SLMAP: variants seen among roughly 807,000 people sequenced by gnomAD.
The protein encoded by SLMAP is sarcolemma associated protein, also known as sarcolemmal membrane-associated protein.
In SLMAP, 44 loss-of-function variants were observed where a neutral mutation model predicts 128.8. The ratio of observed to expected loss-of-function variants is 0.34; its 90% confidence interval spans 0.27 to 0.44. The LOEUF (loss-of-function observed/expected upper bound fraction) is 0.44. SLMAP is among the 20% of genes least tolerant of loss of function. The pLI is 1.00. For synonymous variants in SLMAP, 327 were observed against 348.8 expected, an observed-to-expected ratio of 0.94 and a Z score of 0.70; for missense variants, 787 against 985.3, an observed-to-expected ratio of 0.80 and a Z score of 2.69.
intron 18 of SLMAP, 128 bp downstream of exon 18, chr3:57,908,134 A>G (rs1559521660): frequency 1.2e-6 from 1 of 834,740 alleles, no homozygotes; most frequent in Non-Finnish European, 1.8e-6. Flanking sequence ...TGATCTTGGT[A>G]TATTTACTTG....
intron 15 of SLMAP, among the ~76,000 whole-genome samples, chr3:57,895,613 C>T (rs559014459): frequency 1.6e-4 from 24 of 151,866 alleles, no homozygotes; most frequent in Non-Finnish European, 2.9e-4. Context: ...GGATTACAGG[C>T]GTGAGCCACT....
intron 19 of SLMAP, among the ~76,000 whole-genome samples, chr3:57,910,499 T>G (rs2096667791): frequency 6.6e-6 from 1 of 152,166 alleles, no homozygotes; most frequent in Admixed American, 6.5e-5. Flanking sequence ...AAATTATATA[T>G]CACGTGGAAT....
intron 14 of SLMAP, among the ~76,000 whole-genome samples, chr3:57,872,416 T>C (rs949242049): frequency 6.6e-6 from 1 of 152,128 alleles, no homozygotes; most frequent in African/African-American, 2.4e-5. Flanking sequence ...GTCAGGAGTT[T>C]GAGACCAGCC....
chr3:57,776,812 A>T (rs2082050370), intron 2 of SLMAP, among the ~76,000 whole-genome samples: 1 of 152,080 alleles, frequency 6.6e-6, no homozygotes, highest in Non-Finnish European at 1.5e-5. Flanking sequence ...GGTGTGAGCC[A>T]CTGTGCCTGG....
intron 3 of SLMAP, among the ~76,000 whole-genome samples, chr3:57,840,325 A>G (rs894130331): frequency 3.3e-5 from 5 of 152,244 alleles, no homozygotes; most frequent in African/African-American, 1.2e-4. Context: ...TTACATGTAC[A>G]ATTCAGTGAG....
intron 2 of SLMAP, among the ~76,000 whole-genome samples, chr3:57,807,966 C>G (rs1178615755): frequency 6.6e-6 from 1 of 152,066 alleles, no homozygotes; most frequent in African/African-American, 2.4e-5. Flanking sequence ...TTGGTCTATT[C>G]AGGGATTCAG....
chr3:57,924,626 C>G (rs749537648), intron 23 of SLMAP, among the ~76,000 whole-genome samples: 5 of 152,058 alleles, frequency 3.3e-5, no homozygotes, highest in Non-Finnish European at 7.4e-5. Flanking sequence ...CTTGGCCTCC[C>G]AAAGTGCTGG....
chr3:57,912,723 A>G (rs2096726140), intron 20 of SLMAP, 22 bp downstream of exon 20: 5 of 1,563,708 alleles, frequency 3.2e-6, no homozygotes, highest in African/African-American at 1.4e-5. Flanking sequence ...TATTTTACAT[A>G]AAGCTGTTAA....
In SLMAP at chr3:57,856,409, TTTA is replaced by T. The variant is rs1329766668; in HGVS notation, c.520-1317_520-1315del. 1.2e-3 allele frequency among the ~76,000 whole-genome samples: 177 copies of T among 152,296 alleles called. 1 individual carries two copies. Among genetic ancestry groups the T allele is most frequent in the African/African-American group, 3.9e-3 (162 of 41,572 alleles). The stretch of plus-strand genomic sequence containing the variant: ...GTTTCTATTCTTAATTTATAAGCTT[TTTA>T]TTATTAAAAATTTTTTAAACTTGCT... On this transcript the variant is annotated intron_variant, in intron 6 of 24. Transcript: ENST00000671191.
At chr3:57,856,907 GATAGAA>G (rs2094819513) in intron 6 of SLMAP, among the ~76,000 whole-genome samples, 1 of 152,102 alleles carries the variant, frequency 6.6e-6, no homozygotes, top group Admixed American at 6.6e-5. Context: ...GTCATTAAGC[GATAGAA>G]ATTTTTCAGC....
At chr3:57,782,099 A>C (rs2083212579) in intron 2 of SLMAP, among the ~76,000 whole-genome samples, 3 of 152,044 alleles carry the variant, frequency 2.0e-5, no homozygotes, top group Admixed American at 2.0e-4. Flanking sequence ...TGGGACTTAC[A>C]TTTGATTATT....
chr3:57,794,766 T>C (rs1305142807), intron 2 of SLMAP, among the ~76,000 whole-genome samples: 1 of 152,228 alleles, frequency 6.6e-6, no homozygotes, highest in Non-Finnish European at 1.5e-5. Context: ...AGGTATTGCA[T>C]TGCTGGATAA....
intron 24 of SLMAP, among the ~76,000 whole-genome samples, chr3:57,926,559 C>T (rs548669307): frequency 8.9e-4 from 136 of 152,270 alleles, no homozygotes; most frequent in African/African-American, 3.2e-3. Flanking sequence ...CAGTTTTTCT[C>T]AATAACACTT....
intron 20 of SLMAP, 106 bp from the exon 21 acceptor site, chr3:57,913,052 A>C: frequency 1.7e-6 from 1 of 603,108 alleles, no homozygotes; most frequent in South Asian, 2.9e-5. Context: ...ACTTGCTTTT[A>C]AGGGGGCAAA....
chr3:57,833,160 G>A (rs919780338), intron 3 of SLMAP, among the ~76,000 whole-genome samples: 1 of 152,206 alleles, frequency 6.6e-6, no homozygotes, highest in Non-Finnish European at 1.5e-5. Flanking sequence ...TGACAAAAAG[G>A]ATGAGGTAAT....
chr3:57,802,601 A>G (rs1259368234), intron 2 of SLMAP, among the ~76,000 whole-genome samples: 1 of 152,140 alleles, frequency 6.6e-6, no homozygotes, highest in Non-Finnish European at 1.5e-5. Flanking sequence ...ATATTCTAGA[A>G]ATTTCAAACA....
chr3:57,854,009 AAT>A (rs2094638420), intron 6 of SLMAP, among the ~76,000 whole-genome samples: 1 of 108,064 alleles, frequency 9.3e-6, no homozygotes, highest in Non-Finnish European at 1.9e-5. Context: ...ATTTACATAT[AAT>A]ATATATTATA....
chr3:57,761,048 C>T (rs1389057937), intron 2 of SLMAP, among the ~76,000 whole-genome samples: 2 of 148,328 alleles, frequency 1.3e-5, no homozygotes, highest in African/African-American at 2.5e-5. Flanking sequence ...TTTTTTTAAA[C>T]ATCTGGGGAT....
At chr3:57,853,712 G>A (rs1025859810) in intron 6 of SLMAP, among the ~76,000 whole-genome samples, 1 of 150,970 alleles carries the variant, frequency 6.6e-6, no homozygotes, top group African/African-American at 2.4e-5. Flanking sequence ...AGGCTAAGGC[G>A]GGCGGATCAC....
Sources: gnomAD v4.1 joint callset for allele counts (sites outside exome capture counted in the v4.1 genomes callset) on GRCh38, gnomAD v4.1.1 for gene constraint, MANE v1.5 for transcripts, NCBI Gene and HGNC (gene_info 2026-07-23, HGNC 2026-07-21) for gene names.